Variants in ZNF462 observed in about 807,000 individuals in gnomAD.
ZNF462 encodes zinc finger protein 462, also known as zinc finger PBX1-interacting protein.
In ZNF462, 10 loss-of-function variants were observed where a neutral mutation model predicts 201.9. That is an observed-to-expected ratio of 0.05 (90% CI 0.03 to 0.08). ZNF462 has a LOEUF of 0.08. Ranked by LOEUF, ZNF462 falls within the 10% of genes least tolerant of loss-of-function variation. ZNF462 has a pLI of 1.00. For synonymous variants in ZNF462, 1,227 were observed against 1,193.3 expected (o/e 1.03, Z -0.58); for missense variants, 2,523 against 3,168.3 (o/e 0.80, Z 4.89).
At position 106,963,562 on chromosome 9, in the gene ZNF462, T is replaced by C. The variant is rs1181389383; in HGVS notation, c.6428-8443T>C. On this transcript the variant is annotated intron_variant, in intron 7 of 12. Coordinates refer to ENST00000277225, the MANE Select transcript of ZNF462 (RefSeq NM_021224.6). The surrounding 1 kb of genome is among the most constrained non-coding windows in gnomAD (Gnocchi z 4.7). ...CTGTATAGCACGGCTGTCCACAAATTCAATCTAATGGATATTTTCTTAAGT... is the reference window on the plus strand; with the variant it reads ...CTGTATAGCACGGCTGTCCACAAATCCAATCTAATGGATATTTTCTTAAGT... Among the ~76,000 whole-genome samples the C allele has an allele frequency of 6.6e-6, 1 of 152,022 alleles. No homozygotes were observed. Among genetic ancestry groups the C allele is most frequent in the East Asian group, 1.9e-4 (1 of 5,186 alleles).
At chr9:106,871,928 G>C (rs1341267281) in intron 1 of ZNF462, among the ~76,000 whole-genome samples, 1 of 152,188 alleles carries the variant, frequency 6.6e-6, no homozygotes, top group Non-Finnish European at 1.5e-5. Flanking sequence ...TTTTCAGAGG[G>C]GAAAGGAATG....
Position 106,926,885 on chromosome 9 carries a change from C to T in ZNF462, c.2973C>T (p.Ser991=), listed in dbSNP as rs1830215626. The change falls in exon 3 of 13, where the codon TCC becomes TCT. Residue 991 remains serine (S), a synonymous_variant. Transcript: ENST00000277225. The surrounding 1 kb of genome is among the most constrained non-coding windows in gnomAD (Gnocchi z 7.9). The part of the protein sequence containing the change: ...LNSAPKNMAT[S]TPVARGGGLP... ...CGGCTCCCAAGAACATGGCGACTTC[C>T]ACACCTGTGGCTCGTGGTGGTGGTT... 1 of 1,614,160 alleles carries T rather than the reference C, an allele frequency of 6.2e-7. No homozygotes were observed.
intron 1 of ZNF462, among the ~76,000 whole-genome samples, chr9:106,868,096 G>A (rs1444181601): frequency 6.6e-6 from 1 of 151,132 alleles, no homozygotes; most frequent in South Asian, 2.1e-4. Context: ...AAATCAGTGT[G>A]TGTAAAAGCA....
intron 9 of ZNF462, among the ~76,000 whole-genome samples, chr9:106,976,859 A>G (rs539242081): frequency 6.6e-6 from 1 of 152,300 alleles, no homozygotes; most frequent in Admixed American, 6.5e-5. Context: ...GGATTCAGAA[A>G]GGCTAACAAC....
intron 1 of ZNF462, among the ~76,000 whole-genome samples, chr9:106,899,238 G>T (rs904599752): frequency 1.3e-5 from 1 of 78,126 alleles, no homozygotes; most frequent in Non-Finnish European, 2.5e-5. Flanking sequence ...GTGTGTGTGT[G>T]TGGGGGGGGG....
rs1054407695 is a variant in ZNF462 at position 106,968,588 on chromosome 9, C to A, written c.6428-3417C>A. On this transcript the variant is annotated intron_variant, in intron 7 of 12. Coordinates refer to ENST00000277225, the MANE Select transcript of ZNF462 (RefSeq NM_021224.6). The surrounding 1 kb of genome is among the most constrained non-coding windows in gnomAD (Gnocchi z 4.0). ...GTTGGGAATGTATGGTGATGCTAAG[C>A]CATGACCTGCTTTTAAAGGTGGACC... is the stretch of plus-strand genomic sequence containing the variant. Among the ~76,000 whole-genome samples the A allele has an allele frequency of 1.3e-5, 2 of 152,024 alleles. No individual in the cohort carries two copies. Among genetic ancestry groups the A allele is most frequent in the Non-Finnish European group, 2.9e-5 (2 of 68,006 alleles).
intron 7 of ZNF462, among the ~76,000 whole-genome samples, chr9:106,939,976 G>A (rs1278369893): frequency 3.3e-5 from 5 of 152,132 alleles, no homozygotes; most frequent in Admixed American, 3.3e-4. Flanking sequence ...GAGCCAGTTA[G>A]CTACCATCAG....
Position 106,984,164 on chromosome 9 carries a change from T to C in ZNF462, c.6833-22T>C, listed in dbSNP as rs751813982. The C allele has an allele frequency of 1.8e-5, 29 of 1,596,070 alleles. No homozygotes were observed. The highest frequency in any genetic ancestry group is 2.5e-5 in the Non-Finnish European group (29 of 1,170,312). On this transcript the variant is annotated intron_variant, in intron 9 of 12. Transcript: ENST00000277225. The surrounding 1 kb of genome is among the most constrained non-coding windows in gnomAD (Gnocchi z 6.4). ...TGCCATCAGTAAAAATTCCCATCTT[T>C]CCATTCAATTTGTTTCCACAGAAGA...
rs996291073 is a variant in ZNF462 at position 106,954,332 on chromosome 9, A to G, written c.6427+15225A>G. On this transcript the variant is annotated intron_variant, in intron 7 of 12. Coordinates refer to ENST00000277225, the MANE Select transcript of ZNF462 (RefSeq NM_021224.6). The surrounding 1 kb of genome is among the most constrained non-coding windows in gnomAD (Gnocchi z 4.0). ...AGAGAGTGAGGGGGGGATGTGCCAT[A>G]CTTCTAAACCATCAGATCTTGTGAT... Among the ~76,000 whole-genome samples, 1 of 151,996 alleles carries G rather than the reference A, an allele frequency of 6.6e-6. No homozygotes were observed. Among genetic ancestry groups the G allele is most frequent in the African/African-American group, 2.4e-5 (1 of 41,402 alleles).
Position 106,925,102 on chromosome 9 carries a change from G to A in ZNF462, c.1190G>A (p.Ser397Asn). The change falls in exon 3 of 13, where the codon AGT (serine) becomes AAT (asparagine). Residue 397 changes from serine (S) to asparagine (N), a missense_variant. Around this residue, in one of 15 missense-constraint regions of ZNF462, gnomAD observed 480 missense variants for 544.4 expected, o/e 0.88. Transcript: ENST00000277225. The surrounding 1 kb of genome is among the most constrained non-coding windows in gnomAD (Gnocchi z 7.9). ...SSDEELNEIDSENGLSAMDHQ... is the reference protein window; with the variant it reads ...SSDEELNEIDNENGLSAMDHQ... The stretch of plus-strand genomic sequence containing the variant: ...GATGAAGAGTTAAATGAAATAGACA[G>A]TGAGAATGGTTTAAGTGCTATGGAT... 1 of 1,614,196 alleles carries A rather than the reference G, an allele frequency of 6.2e-7. No homozygotes were observed. Among genetic ancestry groups the A allele is most frequent in the South Asian group, 1.1e-5 (1 of 91,084 alleles).
At chr9:106,915,629 T>C (rs1829741128) in intron 1 of ZNF462, among the ~76,000 whole-genome samples, 1 of 152,102 alleles carries the variant, frequency 6.6e-6, no homozygotes, top group Non-Finnish European at 1.5e-5. Flanking sequence ...GGCCAGTTGG[T>C]TAGTTTGATA....
intron 10 of ZNF462, among the ~76,000 whole-genome samples, chr9:106,990,690 G>A (rs944246159): frequency 3.3e-5 from 5 of 151,932 alleles, no homozygotes; most frequent in Non-Finnish European, 7.4e-5. Context: ...AAAGAATTGC[G>A]ACTTCCTGCA....
rs182088062 is a variant in ZNF462 at position 106,932,897 on chromosome 9, C to G, written c.6116+348C>G. 7.0e-5 allele frequency: 26 copies of G among 371,020 alleles called. No individual in the cohort carries two copies. The East Asian group carries it at 1.6e-3, about 23-fold the overall frequency. The allele number at this position is 371,020 out of a possible 1,614,324, so 23.0% of individuals were successfully genotyped here. ...TAGTCATTGTTTGAGGAAGTAAAGT[C>G]CATTTAGAAAACTGAGTTGCTAAAG... On this transcript the variant is annotated intron_variant, in intron 5 of 12. Coordinates refer to ENST00000277225, the MANE Select transcript of ZNF462 (RefSeq NM_021224.6). The surrounding 1 kb of genome is among the most constrained non-coding windows in gnomAD (Gnocchi z 6.8).
chr9:106,867,569 T>G (rs1827392336), intron 1 of ZNF462, among the ~76,000 whole-genome samples: 1 of 140,198 alleles, frequency 7.1e-6, no homozygotes, highest in Non-Finnish European at 1.5e-5. Context: ...GAGACAACTT[T>G]TAGAGAAAAA....
At chr9:106,997,510 A>G (rs1828825359) in intron 10 of ZNF462, among the ~76,000 whole-genome samples, 1 of 152,178 alleles carries the variant, frequency 6.6e-6, no homozygotes, top group Non-Finnish European at 1.5e-5. Flanking sequence ...GAAAACAGAC[A>G]TTCTACCATT....
intron 9 of ZNF462, chr9:106,979,137 A>T (rs753225460): frequency 1.3e-5 from 2 of 158,334 alleles, no homozygotes; most frequent in African/African-American, 4.9e-5. Flanking sequence ...CTTGTTCTCT[A>T]CTGAGGTGGT....
At chr9:106,952,456 A>G (rs1831394279) in intron 7 of ZNF462, among the ~76,000 whole-genome samples, 1 of 152,240 alleles carries the variant, frequency 6.6e-6, no homozygotes, top group African/African-American at 2.4e-5. Flanking sequence ...AAAAAATTTC[A>G]CATCTAGCCT....
intron 10 of ZNF462, among the ~76,000 whole-genome samples, chr9:106,990,727 A>G (rs892832761): frequency 6.6e-6 from 1 of 151,992 alleles, no homozygotes; most frequent in Non-Finnish European, 1.5e-5. Flanking sequence ...TGTTTGTCTC[A>G]ATTGTTAGGT....
chr9:106,971,811 T>C (rs1001220029), intron 7 of ZNF462, among the ~76,000 whole-genome samples, 194 bp from the exon 8 acceptor site: 8 of 152,192 alleles, frequency 5.3e-5, no homozygotes, highest in Non-Finnish European at 1.2e-4. Flanking sequence ...TTAAATTGAT[T>C]GTGGTCATCA....
Sources: allele counts gnomAD v4.1 joint callset (sites outside exome capture counted in the v4.1 genomes callset), GRCh38; gene constraint gnomAD v4.1.1; regional missense constraint gnomAD v4.1.1; non-coding constraint Gnocchi (gnomAD v3.1); transcripts MANE v1.5; gene names NCBI Gene and HGNC (gene_info 2026-07-23, HGNC 2026-07-21).